Variants in CTIF observed in about 807,000 individuals in gnomAD.
CTIF encodes the protein CBP80/20-dependent translation initiation factor.
Under a neutral mutation model 66.0 loss-of-function variants are expected in CTIF, and 21 were observed. The observed-to-expected ratio is 0.32, with a 90% CI of 0.23 to 0.46. CTIF has a LOEUF of 0.46. CTIF is among the 20% of genes least tolerant of loss of function. The pLI, the probability that CTIF is intolerant of heterozygous loss-of-function variation, is 1.00. For missense variants in CTIF, 739 were observed against 812.7 expected (o/e 0.91, Z 1.10); for synonymous variants, 345 against 326.4 (o/e 1.06, Z -0.62).
chr18:48,806,550 G>T (rs2146259558), intron 9 of CTIF, among the ~76,000 whole-genome samples: 1 of 152,308 alleles, frequency 6.6e-6, no homozygotes, highest in East Asian at 1.9e-4. Context: ...TGAGTTTGCA[G>T]CGATTGGTAG....
intron 1 of CTIF, among the ~76,000 whole-genome samples, chr18:48,612,268 C>T (rs566090750): frequency 4.6e-5 from 7 of 152,344 alleles, no homozygotes; most frequent in African/African-American, 1.7e-4. Flanking sequence ...TGGCAGTGAG[C>T]AGGCTCCCAT....
intron 6 of CTIF, among the ~76,000 whole-genome samples, chr18:48,677,264 A>G (rs931646288): frequency 8.5e-5 from 13 of 152,154 alleles, no homozygotes; most frequent in African/African-American, 2.9e-4. Flanking sequence ...CTGTTGCTCC[A>G]TGTCACCCGT....
chr18:48,835,169 A>C (rs1456307101), intron 10 of CTIF, among the ~76,000 whole-genome samples: 1 of 152,262 alleles, frequency 6.6e-6, no homozygotes, highest in South Asian at 2.1e-4. Flanking sequence ...CGGGGTTCCC[A>C]GAAGACCTGG....
At chr18:48,710,397 C>G (rs1349343313) in intron 6 of CTIF, among the ~76,000 whole-genome samples, 1 of 152,202 alleles carries the variant, frequency 6.6e-6, no homozygotes, top group African/African-American at 2.4e-5. Context: ...GCATCCAGGC[C>G]TATACCCAGG....
intron 7 of CTIF, among the ~76,000 whole-genome samples, chr18:48,755,450 G>A (rs906153419): frequency 2.0e-5 from 3 of 152,312 alleles, no homozygotes; most frequent in Admixed American, 6.5e-5. Flanking sequence ...CTGGGTAGTC[G>A]GAAGGCCAGT....
chr18:48,574,021 G>A (rs2089477505), intron 1 of CTIF, among the ~76,000 whole-genome samples: 2 of 152,162 alleles, frequency 1.3e-5, no homozygotes, highest in South Asian at 2.1e-4. Context: ...TGGTGTCACC[G>A]GGCACCCTCA....
At chr18:48,834,684 C>T (rs2068770819) in intron 10 of CTIF, 1 of 152,706 alleles carries the variant, frequency 6.5e-6, no homozygotes, top group South Asian at 2.1e-4. Flanking sequence ...GGCCCAGAGG[C>T]AACGTACCTC....
intron 10 of CTIF, among the ~76,000 whole-genome samples, chr18:48,847,953 C>A (rs2146599009): frequency 6.6e-6 from 1 of 152,294 alleles, no homozygotes; most frequent in African/African-American, 2.4e-5. Context: ...TAGGCACAGT[C>A]CCTGGGCTGT....
chr18:48,561,362 T>A (rs1757923595), intron 1 of CTIF, among the ~76,000 whole-genome samples: 1 of 152,170 alleles, frequency 6.6e-6, no homozygotes, highest in South Asian at 2.1e-4. Flanking sequence ...TGGCTAATAA[T>A]TTAAAAGTGG....
intron 6 of CTIF, among the ~76,000 whole-genome samples, chr18:48,676,375 A>G (rs1239835597): frequency 1.3e-5 from 2 of 152,202 alleles, no homozygotes; most frequent in Non-Finnish European, 2.9e-5. Context: ...GACAAACATT[A>G]TGTCTGCTGT....
chr18:48,539,721 A>G (rs775821244), intron 1 of CTIF: 190 of 152,784 alleles, frequency 1.2e-3, no homozygotes, highest in Non-Finnish European at 1.9e-3. Flanking sequence ...GGAGGAGGAA[A>G]AGAGCGAGCG....
At chr18:48,618,421 T>C (rs1033577641) in intron 1 of CTIF, among the ~76,000 whole-genome samples, 2 of 152,228 alleles carry the variant, frequency 1.3e-5, no homozygotes, top group South Asian at 2.1e-4. Flanking sequence ...ACTAAAAGCA[T>C]GTGCAGACTC....
At chr18:48,739,098 C>CT (rs983895618) in intron 7 of CTIF, among the ~76,000 whole-genome samples, 1 of 152,192 alleles carries the variant, frequency 6.6e-6, no homozygotes, top group African/African-American at 2.4e-5. Context: ...TCTAAGTCTT[C>CT]TCCCACCTCC....
At chr18:48,703,616 A>G (rs2092112861) in intron 6 of CTIF, among the ~76,000 whole-genome samples, 1 of 152,222 alleles carries the variant, frequency 6.6e-6, no homozygotes, top group African/African-American at 2.4e-5. Context: ...CAGGGGTCAG[A>G]GGTCAAAGAT....
In CTIF at chr18:48,859,628, C is replaced by A. The variant is rs756066993; in HGVS notation, c.*69C>A. The A allele has an allele frequency of 1.4e-6, 2 of 1,462,664 alleles. No individual in the cohort carries two copies. The highest frequency in any genetic ancestry group is 1.4e-5 in the African/African-American group (1 of 71,636). 90.6% of individuals were successfully genotyped at this position (1,462,664 alleles called of 1,614,324 possible). On this transcript the variant is annotated 3_prime_UTR_variant, in exon 12 of 12. Transcript: ENST00000256413. ...TGGTGCACAGGGCCAGATGGACAGG[C>A]GGGAGGACAGGGGTGGCCCTGGCGG...
At chr18:48,611,751 A>T (rs1298123076) in intron 1 of CTIF, among the ~76,000 whole-genome samples, 1 of 152,260 alleles carries the variant, frequency 6.6e-6, no homozygotes, top group Non-Finnish European at 1.5e-5. Flanking sequence ...TAGGTGAAAC[A>T]AAAGTCCCAC....
chr18:48,757,713 C>A (rs117501852), intron 7 of CTIF, among the ~76,000 whole-genome samples: 6 of 152,190 alleles, frequency 3.9e-5, no homozygotes, highest in Admixed American at 6.5e-5. Context: ...TGGTCCTCTG[C>A]AGTAGCAAGG....
chr18:48,727,070 G>GCACGCA (rs2092392548), intron 7 of CTIF, among the ~76,000 whole-genome samples: 1 of 144,488 alleles, frequency 6.9e-6, no homozygotes, highest in African/African-American at 2.6e-5. Context: ...CAAGTTAGCT[G>GCACGCA]CACACACACA....
intron 10 of CTIF, among the ~76,000 whole-genome samples, chr18:48,847,811 CA>C (rs2069113607): frequency 6.6e-6 from 1 of 152,218 alleles, no homozygotes; most frequent in Admixed American, 6.5e-5. Context: ...TAGTGTGTAG[CA>C]GGTCTTCTGA....
Sources: allele counts gnomAD v4.1 joint callset (sites outside exome capture counted in the v4.1 genomes callset), GRCh38; gene constraint gnomAD v4.1.1; transcripts MANE v1.5; gene names NCBI Gene and HGNC (gene_info 2026-07-23, HGNC 2026-07-21).